Variants in CADM1 observed in about 807,000 individuals in gnomAD.
The protein encoded by CADM1 is TSLC-1.
In CADM1, 15 loss-of-function variants were observed where a neutral mutation model predicts 53.1. The observed-to-expected ratio is 0.28, with a 90% CI of 0.19 to 0.44. The LOEUF (loss-of-function observed/expected upper bound fraction) is 0.44, where lower values mean the gene tolerates loss of function less well. Ranked by LOEUF, CADM1 falls within the 20% of genes least tolerant of loss-of-function variation. The pLI, the probability that CADM1 is intolerant of heterozygous loss-of-function variation, is 1.00. For synonymous variants in CADM1, 281 were observed against 243.0 expected (o/e 1.16, Z -1.45); for missense variants, 434 against 611.3 (o/e 0.71, Z 3.06).
At chr11:115,310,354 T>G (rs946849018) in intron 1 of CADM1, among the ~76,000 whole-genome samples, 1 of 152,104 alleles carries the variant, frequency 6.6e-6, no homozygotes, top group African/African-American at 2.4e-5. Context: ...AATTTTACCA[T>G]TATTGCTGAC....
At chr11:115,420,743 A>C (rs1331850492) in intron 1 of CADM1, among the ~76,000 whole-genome samples, 1 of 152,154 alleles carries the variant, frequency 6.6e-6, no homozygotes, top group Non-Finnish European at 1.5e-5. Flanking sequence ...GTAAATCTTA[A>C]TGACCCATGC....
At chr11:115,405,795 G>A (rs1029647102) in intron 1 of CADM1, among the ~76,000 whole-genome samples, 7 of 152,092 alleles carry the variant, frequency 4.6e-5, no homozygotes, top group African/African-American at 1.7e-4. Flanking sequence ...ACACCCTACA[G>A]ACAAACATGT....
At chr11:115,492,908 T>A (rs11215575) in intron 1 of CADM1, among the ~76,000 whole-genome samples, 46,929 of 150,436 alleles carry the variant, frequency 0.31, 7,938 homozygotes, top group East Asian at 0.6. Context: ...CATATAACTT[T>A]TTTTTGAGAC....
intron 8 of CADM1, among the ~76,000 whole-genome samples, chr11:115,202,517 A>G (rs1940482122): frequency 6.6e-6 from 1 of 152,212 alleles, no homozygotes; most frequent in Non-Finnish European, 1.5e-5. Flanking sequence ...TGTTTGAGTA[A>G]GGTGTACATT....
At chr11:115,208,038 T>C (rs967586922) in intron 8 of CADM1, among the ~76,000 whole-genome samples, 6 of 152,306 alleles carry the variant, frequency 3.9e-5, no homozygotes, top group African/African-American at 9.6e-5. Context: ...TGCTGGTGAA[T>C]AGTATAGAAA....
intron 1 of CADM1, among the ~76,000 whole-genome samples, chr11:115,269,391 C>T (rs1001674140): frequency 1.8e-4 from 28 of 152,178 alleles, no homozygotes; most frequent in African/African-American, 4.3e-4. Flanking sequence ...AACTGCAGCA[C>T]GCTTCGATGC....
At chr11:115,291,809 T>TA (rs1041272702) in intron 1 of CADM1, among the ~76,000 whole-genome samples, 52 of 152,332 alleles carry the variant, frequency 3.4e-4, no homozygotes, top group African/African-American at 1.3e-3. Context: ...AGAAATCTTA[T>TA]AAAACCTGTG....
At chr11:115,284,669 ACT>A (rs965299249) in intron 1 of CADM1, among the ~76,000 whole-genome samples, 1 of 152,032 alleles carries the variant, frequency 6.6e-6, no homozygotes, top group African/African-American at 2.4e-5. Flanking sequence ...CACCCCAGTC[ACT>A]CTGATTAATT....
chr11:115,226,118 C>G (rs1190236890), intron 5 of CADM1, among the ~76,000 whole-genome samples: 1 of 151,286 alleles, frequency 6.6e-6, no homozygotes, highest in Non-Finnish European at 1.5e-5. Flanking sequence ...TTTTAGGTGA[C>G]AAAGGAAAGG....
intron 1 of CADM1, among the ~76,000 whole-genome samples, chr11:115,479,497 C>T (rs1182473041): frequency 6.6e-6 from 1 of 152,098 alleles, no homozygotes; most frequent in Admixed American, 6.6e-5. Flanking sequence ...AAAATTGTCC[C>T]TCCTAAATGA....
At chr11:115,259,614 G>GT (rs1000498616) in intron 1 of CADM1, among the ~76,000 whole-genome samples, 30 of 151,754 alleles carry the variant, frequency 2.0e-4, no homozygotes, top group African/African-American at 5.6e-4. Context: ...CCAACTTTTT[G>GT]TTTTTTTTAA....
chr11:115,170,417 C>A lies in CADM1; in HGVS notation c.*6057G>T, dbSNP rs1194183447. 6.6e-6 allele frequency: 1 copy of A among 151,930 alleles called. No homozygotes were observed. The highest frequency in any genetic ancestry group is 6.5e-5 in the Admixed American group (1 of 15,272). The allele number at this position is 151,930 out of a possible 1,614,324, so 9.4% of individuals were successfully genotyped here. ...ATTTCCCAGCACTGACCACCAGGGGCAGTAGACATTTTATGTTTTTTGGGA... is the reference window on the plus strand; with the variant it reads ...ATTTCCCAGCACTGACCACCAGGGGAAGTAGACATTTTATGTTTTTTGGGA... On this transcript the variant is annotated 3_prime_UTR_variant, in exon 12 of 12. Transcript: ENST00000331581.
intron 1 of CADM1, among the ~76,000 whole-genome samples, chr11:115,441,678 G>A (rs898207802): frequency 1.3e-5 from 2 of 152,150 alleles, no homozygotes; most frequent in African/African-American, 2.4e-5. Context: ...TATCCAGATA[G>A]AAATATGGAC....
intron 1 of CADM1, among the ~76,000 whole-genome samples, chr11:115,419,715 G>A (rs1947706327): frequency 1.3e-5 from 2 of 152,168 alleles, no homozygotes; most frequent in African/African-American, 4.8e-5. Flanking sequence ...AATCTGATTA[G>A]TTAAACTGGG....
chr11:115,451,246 A>T (rs1038716943), intron 1 of CADM1, among the ~76,000 whole-genome samples: 6 of 152,228 alleles, frequency 3.9e-5, no homozygotes, highest in Non-Finnish European at 5.9e-5. Flanking sequence ...TGCCTAAGTT[A>T]TCAAGACCTG....
At chr11:115,321,024 CCAGT>C (rs1456322514) in intron 1 of CADM1, among the ~76,000 whole-genome samples, 15 of 152,032 alleles carry the variant, frequency 9.9e-5, no homozygotes, top group African/African-American at 3.4e-4. Context: ...AACATTACAG[CCAGT>C]AAGTGAATGT....
At position 115,175,308 on chromosome 11, in the gene CADM1, T is replaced by C. The variant is rs1938974670; in HGVS notation, c.*1166A>G. 1.0e-6 allele frequency: 1 copy of C among 984,662 alleles called. No individual in the cohort carries two copies. The highest frequency in any genetic ancestry group is 4.7e-5 in the South Asian group (1 of 21,250). The allele number at this position is 984,662 out of a possible 1,614,324, so 61.0% of individuals were successfully genotyped here. A position where few individuals can be genotyped will look rare whatever the true frequency, so the allele number is the denominator to read the frequency against. ...CAGATTCGAGTTGGAAATCCCAGCA[T>C]GACAAATATCTGTAATATACAGTAC... On this transcript the variant is annotated 3_prime_UTR_variant, in exon 12 of 12. Transcript: ENST00000331581.
intron 1 of CADM1, among the ~76,000 whole-genome samples, chr11:115,274,529 T>C (rs968442700): frequency 2.0e-5 from 3 of 152,214 alleles, no homozygotes; most frequent in Non-Finnish European, 1.5e-5. Flanking sequence ...AGGGTAATAA[T>C]GCCATTGGCA....
intron 1 of CADM1, among the ~76,000 whole-genome samples, chr11:115,451,845 AC>A (rs2135350245): frequency 6.6e-6 from 1 of 152,256 alleles, no homozygotes; most frequent in South Asian, 2.1e-4. Context: ...AATTAGGATT[AC>A]ACTCAGGAAA....
Sources: allele counts gnomAD v4.1 joint callset (sites outside exome capture counted in the v4.1 genomes callset), GRCh38; gene constraint gnomAD v4.1.1; transcripts MANE v1.5; gene names NCBI Gene and HGNC (gene_info 2026-07-23, HGNC 2026-07-21).